The following MYO16 variants were observed in gnomAD, a reference collection of about 807,000 sequenced individuals.
MYO16 encodes the protein unconventional myosin-XVI.
Under a neutral mutation model 205.3 loss-of-function variants are expected in MYO16, and 94 were observed. The ratio of observed to expected loss-of-function variants is 0.46; its 90% confidence interval spans 0.39 to 0.54. The LOEUF (loss-of-function observed/expected upper bound fraction) is 0.54, where lower values mean the gene tolerates loss of function less well. Ranked by LOEUF, MYO16 falls within the 20% of genes least tolerant of loss-of-function variation. MYO16 has a pLI of 0.00. For synonymous variants in MYO16, 988 were observed against 954.0 expected (o/e 1.04, Z -0.66); for missense variants, 2,315 against 2,387.5 (o/e 0.97, Z 0.63).
chr13:108,804,098 G>C (rs1887043778), intron 6 of MYO16, among the ~76,000 whole-genome samples: 1 of 152,102 alleles, frequency 6.6e-6, no homozygotes, highest in Non-Finnish European at 1.5e-5. Context: ...CAGTAACCAT[G>C]CTTCTTCCTT....
At chr13:108,814,251 C>T (rs1385199116) in intron 7 of MYO16, among the ~76,000 whole-genome samples, 1 of 152,094 alleles carries the variant, frequency 6.6e-6, no homozygotes, top group Non-Finnish European at 1.5e-5. Flanking sequence ...AACCTTTTTG[C>T]AAAGATATAA....
At chr13:109,073,196 G>A (rs1306032201) in intron 27 of MYO16, among the ~76,000 whole-genome samples, 1 of 151,370 alleles carries the variant, frequency 6.6e-6, no homozygotes, top group Non-Finnish European at 1.5e-5. Context: ...CCTCCTCCTG[G>A]GTTCAAGCGA....
chr13:108,905,750 A>G (rs1318118065), intron 15 of MYO16, among the ~76,000 whole-genome samples: 1 of 139,550 alleles, frequency 7.2e-6, no homozygotes, highest in Non-Finnish European at 1.6e-5. Context: ...TCCTTTTCTT[A>G]CACTTTCCTC....
chr13:108,877,044 C>T (rs370052874), intron 12 of MYO16, among the ~76,000 whole-genome samples: 2 of 152,168 alleles, frequency 1.3e-5, no homozygotes, highest in African/African-American at 4.8e-5. Context: ...AAATTTGAGA[C>T]CTAATTTATT....
chr13:109,126,292 T>C (rs1876245080), intron 30 of MYO16, among the ~76,000 whole-genome samples: 1 of 152,244 alleles, frequency 6.6e-6, no homozygotes, highest in Admixed American at 6.5e-5. Context: ...AATTATCCAC[T>C]GAGTGCCATG....
chr13:108,965,182 C>G (rs139204591), intron 20 of MYO16, among the ~76,000 whole-genome samples: 3 of 152,128 alleles, frequency 2.0e-5, no homozygotes, highest in Admixed American at 6.5e-5. Flanking sequence ...GTAGATGTGG[C>G]CTTTTGTGCA....
intron 4 of MYO16, among the ~76,000 whole-genome samples, chr13:108,775,727 G>A (rs538455290): frequency 2.6e-5 from 4 of 152,286 alleles, no homozygotes; most frequent in South Asian, 2.1e-4. Flanking sequence ...GTTAGCTAGA[G>A]TGATGCCAAA....
chr13:108,756,222 GA>G (rs113747296), intron 4 of MYO16, among the ~76,000 whole-genome samples: 224 of 151,604 alleles, frequency 1.5e-3, no homozygotes, highest in Middle Eastern at 3.4e-3. Context: ...TTTTTCAGTA[GA>G]AAAAAATGCT....
chr13:109,012,615 A>G (rs1013180371), intron 22 of MYO16, among the ~76,000 whole-genome samples: 2 of 152,086 alleles, frequency 1.3e-5, no homozygotes, highest in East Asian at 1.9e-4. Context: ...TGTCTTCCAC[A>G]AAACCGTTCC....
chr13:109,137,198 G>A (rs965253487), intron 31 of MYO16, among the ~76,000 whole-genome samples: 3 of 152,176 alleles, frequency 2.0e-5, no homozygotes, highest in African/African-American at 7.2e-5. Context: ...CCTGTACATG[G>A]AAGTCAGGGC....
intron 31 of MYO16, among the ~76,000 whole-genome samples, chr13:109,129,637 G>A (rs546168437): frequency 1.7e-4 from 26 of 152,222 alleles, no homozygotes; most frequent in South Asian, 6.2e-4. Context: ...GGCAGCTTGC[G>A]TGAGGAAGAT....
At position 109,127,321 on chromosome 13, in the gene MYO16, C is replaced by T; in HGVS notation, c.3822C>T (p.Ser1274=). 3 of 1,607,380 alleles carry T rather than the reference C, an allele frequency of 1.9e-6. No homozygotes were observed. Among genetic ancestry groups the T allele is most frequent in the Non-Finnish European group, 2.6e-6 (3 of 1,174,948 alleles). ...DKSGPRHFHP[S]SMSVCAAVDG... ...GTGGACCCAGGCATTTCCACCCCAGCTCCATGTCAGTCTGCGCGGCCGTGG... is the reference window on the plus strand; with the variant it reads ...GTGGACCCAGGCATTTCCACCCCAGTTCCATGTCAGTCTGCGCGGCCGTGG... The change falls in exon 31 of 35, where the codon AGC becomes AGT. Residue 1274 remains serine, a synonymous_variant. Transcript: ENST00000457511. This position sits in a 1 kb window ranked among gnomAD's most constrained non-coding sequence, Gnocchi z 4.2.
At chr13:109,183,226 G>T (rs534059119) in intron 34 of MYO16, among the ~76,000 whole-genome samples, 1 of 152,162 alleles carries the variant, frequency 6.6e-6, no homozygotes, top group Admixed American at 6.5e-5. Context: ...GCGGCGGTGG[G>T]GGGGAATGCT....
At chr13:108,699,771 C>T (rs1883229239) in intron 2 of MYO16, among the ~76,000 whole-genome samples, 11 of 152,100 alleles carry the variant, frequency 7.2e-5, no homozygotes, top group Admixed American at 7.2e-4. Flanking sequence ...AATATTTTTT[C>T]CATCTTACAG....
At chr13:108,658,892 C>G (rs1881362781) in intron 1 of MYO16, among the ~76,000 whole-genome samples, 1 of 152,008 alleles carries the variant, frequency 6.6e-6, no homozygotes, top group African/African-American at 2.4e-5. Flanking sequence ...TATAAATGTA[C>G]TTAGATCAAA....
rs1427780004 is a variant in MYO16, at chr13:108,898,998, G to T, written c.1777+865G>T. On this transcript the variant is annotated intron_variant, in intron 15 of 34. Coordinates refer to ENST00000457511, the MANE Select transcript of MYO16 (RefSeq NM_001198950.3). ...GTTTAATTTTACTTGGCTTTTTAAA[G>T]TTACCCTATTTTCCCTTCAGGAAAA... Among the ~76,000 whole-genome samples the T allele has an allele frequency of 2.0e-5, 3 of 151,974 alleles. No homozygotes were observed. In the East Asian group the frequency reaches 5.8e-4, roughly 29 times the overall value.
intron 1 of MYO16, among the ~76,000 whole-genome samples, chr13:108,605,753 T>C (rs1016189184): frequency 1.6e-4 from 24 of 152,158 alleles, no homozygotes; most frequent in Admixed American, 1.0e-3. Flanking sequence ...GAAAATGAAC[T>C]AATACAGTAA....
At chr13:108,825,313 C>T (rs752780392) in intron 9 of MYO16, among the ~76,000 whole-genome samples, 50 of 151,796 alleles carry the variant, frequency 3.3e-4, no homozygotes, top group Middle Eastern at 3.4e-3. Flanking sequence ...TCAATATATG[C>T]AGAAAAAGCA....
chr13:109,123,276 C>T (rs914842450), intron 29 of MYO16, among the ~76,000 whole-genome samples: 1 of 152,228 alleles, frequency 6.6e-6, no homozygotes, highest in African/African-American at 2.4e-5. Flanking sequence ...TGAGGTCTTC[C>T]GGAGGCGGGA....
Sources: allele counts gnomAD v4.1 joint callset (sites outside exome capture counted in the v4.1 genomes callset), GRCh38; gene constraint gnomAD v4.1.1; non-coding constraint Gnocchi (gnomAD v3.1); transcripts MANE v1.5; gene names NCBI Gene and HGNC (gene_info 2026-07-23, HGNC 2026-07-21).